Variants in TUSC3 observed in about 807,000 individuals in gnomAD.
TUSC3 encodes the protein tumor suppressor candidate 3, also known as dolichyl-diphosphooligosaccharide--protein glycosyltransferase subunit TUSC3.
TUSC3 carries 45 observed loss-of-function variants against 44.8 expected under a neutral mutation model. That is an observed-to-expected ratio of 1.00 (90% confidence interval 0.79 to 1.29). The LOEUF is 1.29. Among genes scored for constraint, TUSC3 ranks in the 50% most tolerant of loss-of-function variants. TUSC3 has a pLI of 0.00. For missense variants in TUSC3, 519 were observed against 437.9 expected, an observed-to-expected ratio of 1.19 and a Z score of -1.65; for synonymous variants, 212 against 152.9, an observed-to-expected ratio of 1.39 and a Z score of -2.85.
chr8:15,448,286 T>G (rs139039415), intron 1 of TUSC3, among the ~76,000 whole-genome samples: 2,670 of 151,496 alleles, frequency 0.018, 40 homozygotes, highest in South Asian at 0.07. Flanking sequence ...ACCCTGCTAT[T>G]TTTTGTATTT....
chr8:15,543,345 C>G (rs1416591382), intron 1 of TUSC3, among the ~76,000 whole-genome samples: 1 of 152,068 alleles, frequency 6.6e-6, no homozygotes, highest in Non-Finnish European at 1.5e-5. Flanking sequence ...AGCCTGCAAT[C>G]AGGAAAGGAC....
At position 15,553,281 on chromosome 8, in the gene TUSC3, C is replaced by G. The variant is rs902851899; in HGVS notation, c.138+12713C>G. ...ATTCATGGTGGTGGATAAAAATCAC[C>G]CAGCCAGAGCACTTACAGTAAAAAA... On this transcript the variant is annotated intron_variant, in intron 1 of 10. Transcript: ENST00000503731. 2.6e-5 allele frequency among the ~76,000 whole-genome samples: 4 copies of G among 151,542 alleles called. 1 individual carries two copies. Among genetic ancestry groups the G allele is most frequent in the African/African-American group, 9.7e-5 (4 of 41,342 alleles).
chr8:15,486,997 G>A (rs1314480621), intron 2 of TUSC3, among the ~76,000 whole-genome samples: 2 of 152,142 alleles, frequency 1.3e-5, no homozygotes, highest in Non-Finnish European at 2.9e-5. Context: ...CTTATTTGAA[G>A]AAGCAGAAAT....
At chr8:15,563,849 C>T (rs569832823) in intron 1 of TUSC3, among the ~76,000 whole-genome samples, 25 of 151,974 alleles carry the variant, frequency 1.6e-4, no homozygotes, top group Non-Finnish European at 3.1e-4. Context: ...AAGTAATTCA[C>T]GTATCTTGTA....
intron 6 of TUSC3, among the ~76,000 whole-genome samples, chr8:15,693,330 C>A (rs932496100): frequency 1.3e-5 from 2 of 151,868 alleles, no homozygotes; most frequent in Non-Finnish European, 2.9e-5. Context: ...CCCTTCAGAA[C>A]CTCTATTGAG....
chr8:15,711,984 G>T (rs1488370254), intron 6 of TUSC3, among the ~76,000 whole-genome samples: 1 of 151,808 alleles, frequency 6.6e-6, no homozygotes, highest in African/African-American at 2.4e-5. Flanking sequence ...GTTGTGATTT[G>T]TTCAGACCTT....
intron 2 of TUSC3, among the ~76,000 whole-genome samples, chr8:15,531,614 T>C (rs936469765): frequency 1.3e-5 from 2 of 152,222 alleles, no homozygotes; most frequent in Non-Finnish European, 2.9e-5. Context: ...TCTTCTGCCT[T>C]ATGCCCCTCA....
intron 2 of TUSC3, 64 bp downstream of exon 2, chr8:15,623,313 T>C: frequency 4.2e-6 from 6 of 1,427,590 alleles, no homozygotes; most frequent in Non-Finnish European, 5.6e-6. Flanking sequence ...TATTTTTATG[T>C]TCATTTTAAG....
At chr8:15,593,860 C>CT (rs1417787193) in intron 1 of TUSC3, among the ~76,000 whole-genome samples, 2 of 152,092 alleles carry the variant, frequency 1.3e-5, no homozygotes, top group African/African-American at 2.4e-5. Context: ...CTGCCATCTC[C>CT]TTTTTTTCTT....
At chr8:15,542,013 T>TG (rs1298950902) in intron 1 of TUSC3, among the ~76,000 whole-genome samples, 5 of 151,714 alleles carry the variant, frequency 3.3e-5, no homozygotes, top group Admixed American at 3.3e-4. Context: ...TTTTTTTTTT[T>TG]GCCAGTGTTA....
chr8:15,826,817 C>T, the TUSC3 span, among the ~76,000 whole-genome samples: 1 of 152,004 alleles, frequency 6.6e-6, no homozygotes, highest in African/African-American at 2.4e-5. Context: ...TATGGAGAAG[C>T]CGGAGATGGC....
chr8:15,850,592 G>C, the TUSC3 span, among the ~76,000 whole-genome samples: 1 of 151,980 alleles, frequency 6.6e-6, no homozygotes, highest in African/African-American at 2.4e-5. Flanking sequence ...TATTCAGTAG[G>C]CTATAAGTTA....
exon 1 of TUSC3, chr8:15,417,278 C>G (rs1048065602): frequency 3.0e-4 from 46 of 152,620 alleles, no homozygotes; most frequent in African/African-American, 1.1e-3. Flanking sequence ...GCCTCCTCAG[C>G]CATGCTTCCT....
At chr8:15,743,400 T>C (rs1293764989) in intron 7 of TUSC3, 138 bp from the exon 8 acceptor site, 1 of 850,412 alleles carries the variant, frequency 1.2e-6, no homozygotes, top group Non-Finnish European at 1.9e-6. Context: ...TAATTTTATG[T>C]TATATAAAGG....
At chr8:15,524,123 A>G (rs1801341310) in intron 2 of TUSC3, among the ~76,000 whole-genome samples, 1 of 151,618 alleles carries the variant, frequency 6.6e-6, no homozygotes, top group Non-Finnish European at 1.5e-5. Flanking sequence ...ATTTTTTTAT[A>G]CTAAACTAGC....
chr8:15,535,296 G>A (rs570050415), upstream of TUSC3, among the ~76,000 whole-genome samples: 2 of 152,272 alleles, frequency 1.3e-5, no homozygotes, highest in East Asian at 3.9e-4. Context: ...TGGGTTAGTC[G>A]TAAATCTCTT....
chr8:15,814,029 T>C, the TUSC3 span, among the ~76,000 whole-genome samples: 1 of 152,206 alleles, frequency 6.6e-6, no homozygotes, highest in Non-Finnish European at 1.5e-5. Context: ...TAATAGCCAT[T>C]AAATACTTAG....
chr8:15,684,400 T>A (rs1288248001), intron 6 of TUSC3, among the ~76,000 whole-genome samples: 1 of 152,110 alleles, frequency 6.6e-6, no homozygotes, highest in Non-Finnish European at 1.5e-5. Flanking sequence ...AGTGGCACCG[T>A]GTGTACAACT....
intron 1 of TUSC3, among the ~76,000 whole-genome samples, chr8:15,548,628 T>A (rs1486979552): frequency 6.6e-6 from 1 of 151,908 alleles, no homozygotes; most frequent in African/African-American, 2.4e-5. Flanking sequence ...CTCAACTCCT[T>A]GCTTTGTGAG....
Sources: gnomAD v4.1 joint callset for allele counts (sites outside exome capture counted in the v4.1 genomes callset) on GRCh38, gnomAD v4.1.1 for gene constraint, MANE v1.5 for transcripts, NCBI Gene and HGNC (gene_info 2026-07-23, HGNC 2026-07-21) for gene names.